The following KLHL29 variants were observed in gnomAD, a reference collection of about 807,000 sequenced individuals.
KLHL29 encodes kelch-like protein 29.
KLHL29 carries 21 observed loss-of-function variants against 80.4 expected under a neutral mutation model. The observed-to-expected ratio is 0.26, with a 90% confidence interval of 0.19 to 0.38. The LOEUF (loss-of-function observed/expected upper bound fraction) is 0.38, where lower values mean the gene tolerates loss of function less well. Among genes scored for constraint, KLHL29 ranks in the 10% least tolerant of loss-of-function variants. The pLI is 1.00. For missense variants in KLHL29, 867 were observed against 1,223.9 expected, an observed-to-expected ratio of 0.71 and a Z score of 4.35; for synonymous variants, 511 against 526.8, an observed-to-expected ratio of 0.97 and a Z score of 0.41.
intron 3 of KLHL29, among the ~76,000 whole-genome samples, chr2:23,566,257 C>G (rs1179610167): frequency 6.6e-6 from 1 of 152,238 alleles, no homozygotes; most frequent in Non-Finnish European, 1.5e-5. Flanking sequence ...ACTCATGGCT[C>G]AGACCAATCA....
intron 2 of KLHL29, among the ~76,000 whole-genome samples, chr2:23,480,222 C>T (rs1664751163): frequency 6.6e-6 from 1 of 152,242 alleles, no homozygotes; most frequent in Non-Finnish European, 1.5e-5. Context: ...CGTGGTGGCT[C>T]ACGCCTGTAA....
intron 2 of KLHL29, among the ~76,000 whole-genome samples, chr2:23,548,679 CGCGTGGCAAGCAGTGAGT>C (rs1229501389): frequency 1.1e-4 from 17 of 152,320 alleles, no homozygotes; most frequent in African/African-American, 3.4e-4. Flanking sequence ...CAGCAGTGAG[CGCGTGGCAAGCAGTGAGT>C]GCGTGGCATG....
At chr2:23,401,688 G>A (rs1666602905) in intron 1 of KLHL29, among the ~76,000 whole-genome samples, 1 of 152,222 alleles carries the variant, frequency 6.6e-6, no homozygotes, top group African/African-American at 2.4e-5. Flanking sequence ...GAAGTAGTGG[G>A]AGGGGCAGGA....
intron 5 of KLHL29, among the ~76,000 whole-genome samples, chr2:23,671,504 G>C (rs976808577): frequency 1.3e-5 from 2 of 152,158 alleles, no homozygotes; most frequent in Non-Finnish European, 2.9e-5. Flanking sequence ...TTGCATCTGT[G>C]GCTGTTGGGC....
chr2:23,558,685 T>C (rs1667361556), intron 2 of KLHL29, among the ~76,000 whole-genome samples: 1 of 152,238 alleles, frequency 6.6e-6, no homozygotes, highest in Non-Finnish European at 1.5e-5. Context: ...ATTACAGGCG[T>C]GAGCCCCCAC....
At chr2:23,454,619 C>T (rs1456204297) in intron 1 of KLHL29, among the ~76,000 whole-genome samples, 14 of 152,048 alleles carry the variant, frequency 9.2e-5, no homozygotes, top group Non-Finnish European at 1.9e-4. Context: ...TCAGCTTTTT[C>T]TGTCTCCTTG....
At chr2:23,582,369 GTAT>G (rs965739690) in intron 3 of KLHL29, among the ~76,000 whole-genome samples, 18 of 152,122 alleles carry the variant, frequency 1.2e-4, no homozygotes, top group South Asian at 2.1e-4. Flanking sequence ...ACACTCAGAT[GTAT>G]TATTATTATT....
At chr2:23,566,757 T>A (rs1409611342) in intron 3 of KLHL29, among the ~76,000 whole-genome samples, 1 of 152,226 alleles carries the variant, frequency 6.6e-6, no homozygotes, top group East Asian at 1.9e-4. Flanking sequence ...CATAGAATCC[T>A]CCTCATGGGG....
intron 2 of KLHL29, among the ~76,000 whole-genome samples, chr2:23,515,486 G>A (rs1256880845): frequency 6.6e-6 from 1 of 152,242 alleles, no homozygotes; most frequent in African/African-American, 2.4e-5. Flanking sequence ...TTTTCCAGCT[G>A]TGCCTGTGGG....
intron 5 of KLHL29, among the ~76,000 whole-genome samples, chr2:23,671,389 G>C (rs1293394632): frequency 6.6e-6 from 1 of 152,018 alleles, no homozygotes; most frequent in East Asian, 1.9e-4. Context: ...GCAGGTGGCT[G>C]ACTTTCCCAA....
At chr2:23,442,470 A>T (rs2103415830) in intron 1 of KLHL29, among the ~76,000 whole-genome samples, 1 of 152,274 alleles carries the variant, frequency 6.6e-6, no homozygotes, top group East Asian at 1.9e-4. Context: ...AGCAATGATG[A>T]GAGTGATGCA....
chr2:23,644,280 A>AG (rs1669859090), intron 5 of KLHL29: 1 of 151,988 alleles, frequency 6.6e-6, no homozygotes, highest in Admixed American at 6.6e-5. Context: ...TTTAAAAAAA[A>AG]AAAAAGAAAG....
At chr2:23,688,607 C>T (rs1671387279) in intron 6 of KLHL29, among the ~76,000 whole-genome samples, 1 of 152,118 alleles carries the variant, frequency 6.6e-6, no homozygotes, top group South Asian at 2.1e-4. Context: ...ACCCCCACGC[C>T]CAGAAGTAGG....
intron 5 of KLHL29, chr2:23,667,138 A>G (rs541211790): frequency 6.6e-6 from 1 of 152,356 alleles, no homozygotes; most frequent in South Asian, 2.1e-4. Context: ...CTCACCAAGA[A>G]TTCATAGGTG....
At chr2:23,554,901 C>A (rs1261829527) in intron 2 of KLHL29, among the ~76,000 whole-genome samples, 2 of 152,218 alleles carry the variant, frequency 1.3e-5, no homozygotes, top group Admixed American at 1.3e-4. Flanking sequence ...CGCCCCCCAA[C>A]ACACCAGCTG....
intron 1 of KLHL29, among the ~76,000 whole-genome samples, chr2:23,433,651 C>T (rs1192748658): frequency 1.3e-5 from 2 of 152,214 alleles, no homozygotes; most frequent in African/African-American, 2.4e-5. Flanking sequence ...GGGTGGCTTA[C>T]ACTTGTAATC....
At chr2:23,401,019 G>A (rs1271904068) in intron 1 of KLHL29, among the ~76,000 whole-genome samples, 1 of 152,220 alleles carries the variant, frequency 6.6e-6, no homozygotes, top group African/African-American at 2.4e-5. Context: ...TGTTGGAGGT[G>A]GGAGGGTAAT....
intron 1 of KLHL29, among the ~76,000 whole-genome samples, chr2:23,390,851 A>G (rs1026048806): frequency 5.3e-5 from 8 of 151,886 alleles, no homozygotes; most frequent in African/African-American, 1.9e-4. Flanking sequence ...ACGGGGTTTC[A>G]CCATGTTGGC....
chr2:23,510,167 G>A lies in KLHL29; in HGVS notation c.-46+34500G>A, dbSNP rs376820299. Among the ~76,000 whole-genome samples, 19 of 152,242 alleles carry A rather than the reference G, an allele frequency of 1.2e-4. No individual in the cohort carries two copies. In the East Asian group the frequency reaches 2.9e-3, roughly 23 times the overall value. On this transcript the variant is annotated intron_variant, in intron 2 of 13. Transcript: ENST00000486442. ...GTGTGAGGCCATGTGCTCAGTGACA[G>A]GGGAGTTTGCTGAAATCTTGCCCTC...
Sources: gnomAD v4.1 joint callset for allele counts (sites outside exome capture counted in the v4.1 genomes callset) on GRCh38, gnomAD v4.1.1 for gene constraint, MANE v1.5 for transcripts, NCBI Gene and HGNC (gene_info 2026-07-23, HGNC 2026-07-21) for gene names.